Variants in NHERF1 observed in about 807,000 individuals in gnomAD.
NHERF1 encodes Na(+)/H(+) exchange regulatory cofactor NHE-RF1.
chr17:74,768,949 AT>A, the NHERF1 span: 1 of 453,614 alleles, frequency 2.2e-6, no homozygotes, highest in Non-Finnish European at 4.0e-6. Context: ...AACCTGCACC[AT>A]GCCAGGATCA....
chr17:74,764,518 A>G, the NHERF1 span, among the ~76,000 whole-genome samples: 1 of 151,944 alleles, frequency 6.6e-6, no homozygotes, highest in Non-Finnish European at 1.5e-5. The surrounding 1 kb of genome is among the most constrained non-coding windows in gnomAD (Gnocchi z 4.9). Context: ...ACTGAGGGGG[A>G]GACTAAGGCC....
chr17:74,749,268 A>G, the NHERF1 span: 3 of 1,529,462 alleles, frequency 2.0e-6, no homozygotes, highest in African/African-American at 2.8e-5. The surrounding 1 kb of genome is among the most constrained non-coding windows in gnomAD (Gnocchi z 5.6). Context: ...CGCGAGGCCG[A>G]CAAGAGCCAC....
At chr17:74,749,026 G>A in the NHERF1 span, 1 of 1,602,876 alleles carries the variant, frequency 6.2e-7, no homozygotes. The surrounding 1 kb of genome is among the most constrained non-coding windows in gnomAD (Gnocchi z 5.6). Context: ...ACCGGCTGGT[G>A]GAGGTGAACG....
At chr17:74,768,643 T>G in the NHERF1 span, 1 of 1,613,834 alleles carries the variant, frequency 6.2e-7, no homozygotes, top group Non-Finnish European at 8.5e-7. Context: ...AACGAACTCT[T>G]CAGCAACCTC....
At chr17:74,766,892 T>G in the NHERF1 span, 1 of 1,605,110 alleles carries the variant, frequency 6.2e-7, no homozygotes, top group Non-Finnish European at 8.5e-7. Context: ...CACGCTCTAT[T>G]CCATCCCCGT....
At chr17:74,757,591 C>A in the NHERF1 span, among the ~76,000 whole-genome samples, 109 of 151,852 alleles carry the variant, frequency 7.2e-4, no homozygotes, top group African/African-American at 2.6e-3. Context: ...GGCTGCCCGT[C>A]ACACAGCACT....
At chr17:74,748,880 C>T in the NHERF1 span, 5 of 1,596,890 alleles carry the variant, frequency 3.1e-6, no homozygotes, top group Admixed American at 1.7e-5. This position sits in a 1 kb window ranked among gnomAD's most constrained non-coding sequence, Gnocchi z 4.3. Flanking sequence ...GGCGCCCCTG[C>T]CCCGGCTCTG....
At chr17:74,760,084 C>G in the NHERF1 span, among the ~76,000 whole-genome samples, 1 of 152,154 alleles carries the variant, frequency 6.6e-6, no homozygotes, top group Admixed American at 6.5e-5. This position sits in a 1 kb window ranked among gnomAD's most constrained non-coding sequence, Gnocchi z 4.5. Flanking sequence ...CTGGTGACGG[C>G]GACTGGTCAG....
At chr17:74,749,626 C>T in the NHERF1 span, among the ~76,000 whole-genome samples, 1 of 152,204 alleles carries the variant, frequency 6.6e-6, no homozygotes, top group Admixed American at 6.5e-5. This position sits in a 1 kb window ranked among gnomAD's most constrained non-coding sequence, Gnocchi z 5.6. Context: ...CTCGGAATCC[C>T]CCAATCCTGC....
chr17:74,764,153 TG>T, the NHERF1 span, among the ~76,000 whole-genome samples: 2 of 152,222 alleles, frequency 1.3e-5, no homozygotes, highest in Non-Finnish European at 2.9e-5. The surrounding 1 kb of genome is among the most constrained non-coding windows in gnomAD (Gnocchi z 4.9). Context: ...CTCTGCTCCT[TG>T]GTCTGGACTT....
At chr17:74,760,446 C>T in the NHERF1 span, among the ~76,000 whole-genome samples, 4 of 152,192 alleles carry the variant, frequency 2.6e-5, no homozygotes, top group Admixed American at 2.0e-4. This position sits in a 1 kb window ranked among gnomAD's most constrained non-coding sequence, Gnocchi z 4.5. Flanking sequence ...GAAAGACCTG[C>T]CCAAGCCTTT....
chr17:74,767,107 T>C, the NHERF1 span: 13 of 807,874 alleles, frequency 1.6e-5, no homozygotes, highest in African/African-American at 1.4e-4. Flanking sequence ...TCCAGCTCCT[T>C]CTTCAGCTCC....
At chr17:74,761,930 G>A in the NHERF1 span, 2 of 1,457,908 alleles carry the variant, frequency 1.4e-6, no homozygotes, top group African/African-American at 2.8e-5. This position sits in a 1 kb window ranked among gnomAD's most constrained non-coding sequence, Gnocchi z 4.3. Flanking sequence ...CCTTGGTTGG[G>A]GAGATGGGGA....
At chr17:74,768,001 A>C in the NHERF1 span, 2 of 766,012 alleles carry the variant, frequency 2.6e-6, no homozygotes, top group Non-Finnish European at 4.8e-6. Context: ...CAGCAGGCTC[A>C]GGAGGTGGGA....
the NHERF1 span, among the ~76,000 whole-genome samples, chr17:74,761,591 T>A: frequency 6.6e-6 from 1 of 151,892 alleles, no homozygotes; most frequent in Non-Finnish European, 1.5e-5. The surrounding 1 kb of genome is among the most constrained non-coding windows in gnomAD (Gnocchi z 4.3). Context: ...ATGCCCCAGG[T>A]CCCCAGCCAG....
At chr17:74,765,881 A>T in the NHERF1 span, among the ~76,000 whole-genome samples, 3 of 151,930 alleles carry the variant, frequency 2.0e-5, no homozygotes, top group South Asian at 6.2e-4. Flanking sequence ...GGCAGGTACT[A>T]ACTATAGTCT....
At chr17:74,749,365 A>G in the NHERF1 span, 1 of 1,329,260 alleles carries the variant, frequency 7.5e-7, no homozygotes, top group Non-Finnish European at 1.0e-6. The surrounding 1 kb of genome is among the most constrained non-coding windows in gnomAD (Gnocchi z 5.6). Context: ...CCGGCCGTCC[A>G]GCCCCGCGCC....
chr17:74,756,017 G>A, the NHERF1 span, among the ~76,000 whole-genome samples: 12 of 149,092 alleles, frequency 8.0e-5, no homozygotes, highest in African/African-American at 3.0e-4. Context: ...GCAGTGGTGC[G>A]ATCTCGGCTC....
the NHERF1 span, chr17:74,749,297 G>T: frequency 6.6e-6 from 10 of 1,525,712 alleles, no homozygotes; most frequent in African/African-American, 4.2e-5. The surrounding 1 kb of genome is among the most constrained non-coding windows in gnomAD (Gnocchi z 5.6). Context: ...GGTAAGCGGG[G>T]CCCAAGCCGC....
Sources: gnomAD v4.1 joint callset for allele counts (sites outside exome capture counted in the v4.1 genomes callset) on GRCh38, gnomAD v4.1.1 for gene constraint, Gnocchi (gnomAD v3.1) non-coding constraint, MANE v1.5 for transcripts, NCBI Gene and HGNC (gene_info 2026-07-23, HGNC 2026-07-21) for gene names.